CEP83: variants seen among roughly 807,000 people sequenced by gnomAD.
CEP83 encodes centrosomal protein 83.
A neutral mutation model predicts 101.9 loss-of-function variants in CEP83; 70 were observed. The observed-to-expected ratio is 0.69, with a 90% CI of 0.57 to 0.84. The LOEUF (loss-of-function observed/expected upper bound fraction) is 0.84. CEP83 is among the 40% of genes least tolerant of loss of function. The probability of loss-of-function intolerance (pLI) is 0.00; values close to 1 mark genes in which losing one functional copy is unlikely to be tolerated. For synonymous variants in CEP83, 264 were observed against 267.9 expected, an observed-to-expected ratio of 0.99 and a Z score of 0.14; for missense variants, 715 against 787.2, an observed-to-expected ratio of 0.91 and a Z score of 1.10.
Position 94,379,879 on chromosome 12 carries a change from T to G in CEP83, c.550-837A>C, listed in dbSNP as rs573406537. On this transcript the variant is annotated intron_variant, in intron 6 of 16. Transcript: ENST00000397809. ...CCCCTACCACCACCCCCACCAAATT[T>G]CTGGCATTAACCATACGCTTCTATT... Among the ~76,000 whole-genome samples, 67 of 152,116 alleles carry G rather than the reference T, an allele frequency of 4.4e-4. 1 individual carries two copies. The South Asian group carries it at 0.013, about 29-fold the overall frequency.
chr12:94,418,429 G>A (rs554673930), intron 2 of CEP83, among the ~76,000 whole-genome samples: 46 of 152,178 alleles, frequency 3.0e-4, no homozygotes, highest in Non-Finnish European at 6.5e-4. Flanking sequence ...CAGAAATAGA[G>A]AGGAAGAGGA....
chr12:94,286,764 CT>C, the CEP83 span, among the ~76,000 whole-genome samples: 3 of 152,204 alleles, frequency 2.0e-5, no homozygotes, highest in South Asian at 6.2e-4. Flanking sequence ...CTCCTACTAT[CT>C]AAACAAAGTC....
intron 1 of CEP83, among the ~76,000 whole-genome samples, chr12:94,441,914 C>CAAAAAAAA (rs370968833): frequency 3.2e-5 from 2 of 61,840 alleles, no homozygotes; most frequent in Admixed American, 2.0e-4. Context: ...GACTCCGTCT[C>CAAAAAAAA]AAAAAAAAAA....
chr12:94,274,177 AAAAAAAAAAATTTAGCCAAGCATGGC>A, the CEP83 span, among the ~76,000 whole-genome samples: 1 of 150,132 alleles, frequency 6.7e-6, no homozygotes. Context: ...AAAAAAAAAA[AAAAAAAAAAATTTAGCCAAGCATGGC>A]AGTGTGCACC....
intron 11 of CEP83, among the ~76,000 whole-genome samples, chr12:94,341,809 T>C (rs913543103): frequency 1.3e-5 from 2 of 152,208 alleles, no homozygotes; most frequent in South Asian, 4.1e-4. Context: ...AAGTTCATTA[T>C]TGTGTTCAAG....
chr12:94,316,440 AT>A (rs1165599178), intron 14 of CEP83, among the ~76,000 whole-genome samples: 4 of 122,964 alleles, frequency 3.3e-5, no homozygotes, highest in Non-Finnish European at 7.2e-5. Context: ...CTTTATGTCC[AT>A]TTCTTTATTC....
chr12:94,363,310 T>C (rs1254006364), intron 11 of CEP83, among the ~76,000 whole-genome samples: 2 of 152,206 alleles, frequency 1.3e-5, no homozygotes, highest in East Asian at 3.8e-4. Context: ...TACAATTGTG[T>C]GTCAATTAAG....
At chr12:94,287,828 C>T in the CEP83 span, among the ~76,000 whole-genome samples, 13 of 152,314 alleles carry the variant, frequency 8.5e-5, no homozygotes, top group African/African-American at 2.9e-4. Context: ...TTAACAAACA[C>T]GTATAATGCT....
At chr12:94,380,876 G>A (rs1205645323) in intron 6 of CEP83, among the ~76,000 whole-genome samples, 3 of 152,116 alleles carry the variant, frequency 2.0e-5, no homozygotes, top group Non-Finnish European at 2.9e-5. Context: ...CGTTTTGGGA[G>A]GCATCTGTGT....
intron 2 of CEP83, among the ~76,000 whole-genome samples, chr12:94,429,396 A>G (rs2065449076): frequency 6.6e-6 from 1 of 152,178 alleles, no homozygotes; most frequent in African/African-American, 2.4e-5. Flanking sequence ...TGCTCCAGAG[A>G]GGGAGCTCAC....
At chr12:94,348,340 G>T (rs1379250408) in intron 11 of CEP83, among the ~76,000 whole-genome samples, 39 of 152,196 alleles carry the variant, frequency 2.6e-4, no homozygotes, top group Non-Finnish European at 4.4e-5. Flanking sequence ...TACACAAGAA[G>T]CTGCCAAAGA....
At chr12:94,372,145 T>G (rs2137067987) in intron 8 of CEP83, among the ~76,000 whole-genome samples, 1 of 152,266 alleles carries the variant, frequency 6.6e-6, no homozygotes, top group East Asian at 1.9e-4. Flanking sequence ...GGCTAAATTT[T>G]GTATTTTTAG....
chr12:94,412,206 G>A (rs1165500922), intron 3 of CEP83, 112 bp downstream of exon 3: 1 of 820,966 alleles, frequency 1.2e-6, no homozygotes, highest in Non-Finnish European at 1.8e-6. Context: ...AGTTTTAAAT[G>A]TATACATTGC....
chr12:94,296,909 T>C, the CEP83 span, among the ~76,000 whole-genome samples: 3 of 152,158 alleles, frequency 2.0e-5, no homozygotes, highest in Admixed American at 1.3e-4. Flanking sequence ...CTAGGTACAT[T>C]TGTTAAATGA....
At chr12:94,380,675 T>C (rs777882609) in intron 6 of CEP83, among the ~76,000 whole-genome samples, 1 of 152,186 alleles carries the variant, frequency 6.6e-6, no homozygotes, top group Non-Finnish European at 1.5e-5. Flanking sequence ...CAGGAGTCAA[T>C]GTGTAACTCA....
intron 6 of CEP83, among the ~76,000 whole-genome samples, chr12:94,398,117 T>G (rs936387394): frequency 6.6e-6 from 1 of 152,190 alleles, no homozygotes; most frequent in Non-Finnish European, 1.5e-5. Flanking sequence ...GAGTACAACA[T>G]TGAACATGGA....
rs181496530 is a variant in CEP83 at position 94,317,724 on chromosome 12, T to C, written c.1708-4707A>G. Among the ~76,000 whole-genome samples, 287 of 152,288 alleles carry C rather than the reference T, an allele frequency of 1.9e-3. 1 individual carries two copies. The highest frequency in any genetic ancestry group is 6.8e-3 in the Admixed American group (104 of 15,292). On this transcript the variant is annotated intron_variant, in intron 14 of 16. Transcript: ENST00000397809. ...AGCTTTGTTGAAGATCAGATGATTG[T>C]AGCTGTGAGGCCTTAATTCTGGTTA...
At chr12:94,360,100 A>G (rs1291720471) in intron 11 of CEP83, among the ~76,000 whole-genome samples, 1 of 152,230 alleles carries the variant, frequency 6.6e-6, no homozygotes, top group African/African-American at 2.4e-5. Flanking sequence ...ACTTTAAAAA[A>G]AATTAGGTAT....
At chr12:94,339,879 C>G (rs1011150483) in intron 11 of CEP83, among the ~76,000 whole-genome samples, 1 of 152,202 alleles carries the variant, frequency 6.6e-6, no homozygotes, top group Admixed American at 6.5e-5. Context: ...GAATCACAGG[C>G]AAAGACATGC....
Sources: gnomAD v4.1 joint callset for allele counts (sites outside exome capture counted in the v4.1 genomes callset) on GRCh38, gnomAD v4.1.1 for gene constraint, MANE v1.5 for transcripts, NCBI Gene and HGNC (gene_info 2026-07-23, HGNC 2026-07-21) for gene names.